The following CNTN5 variants were observed in gnomAD, a reference collection of about 807,000 sequenced individuals.
CNTN5 encodes the protein contactin 5.
Under a neutral mutation model 129.1 loss-of-function variants are expected in CNTN5, and 77 were observed. The observed-to-expected ratio is 0.60, with a 90% CI of 0.50 to 0.72. The LOEUF (loss-of-function observed/expected upper bound fraction) is 0.72. Ranked by LOEUF, CNTN5 falls within the 30% of genes least tolerant of loss-of-function variation. The probability of loss-of-function intolerance (pLI) is 0.00; values close to 1 mark genes in which losing one functional copy is unlikely to be tolerated. For missense variants in CNTN5, 1,478 were observed against 1,328.8 expected (o/e 1.11, Z -1.75); for synonymous variants, 509 against 465.6 (o/e 1.09, Z -1.20).
intron 1 of CNTN5, among the ~76,000 whole-genome samples, chr11:99,281,384 A>G (rs1175629548): frequency 6.6e-6 from 1 of 151,988 alleles, no homozygotes; most frequent in Non-Finnish European, 1.5e-5. Context: ...AAGGGCTCAA[A>G]ATGTAAAAAG....
At chr11:99,998,254 C>A (rs1264485069) in intron 8 of CNTN5, among the ~76,000 whole-genome samples, 1 of 152,004 alleles carries the variant, frequency 6.6e-6, no homozygotes, top group Non-Finnish European at 1.5e-5. Context: ...ATCCAGAAAA[C>A]CCCATCATCT....
chr11:99,826,118 G>C (rs1946948425), intron 4 of CNTN5, among the ~76,000 whole-genome samples: 1 of 151,916 alleles, frequency 6.6e-6, no homozygotes, highest in Non-Finnish European at 1.5e-5. Context: ...TATTTTATCT[G>C]GGATAAGTTC....
At position 100,093,734 on chromosome 11, in the gene CNTN5, G is replaced by C. The variant is rs150810053; in HGVS notation, c.1580+19440G>C. ...TGACTGCTCAACAGCTTTTGCCAAAGTGGCCCAGTCACAAGAATTACACGT... is the reference window on the plus strand; with the variant it reads ...TGACTGCTCAACAGCTTTTGCCAAACTGGCCCAGTCACAAGAATTACACGT... On this transcript the variant is annotated intron_variant, in intron 13 of 24. Transcript: ENST00000524871. Among the ~76,000 whole-genome samples the C allele has an allele frequency of 2.1e-3, 319 of 152,200 alleles. 3 individuals carry two copies. The highest frequency in any genetic ancestry group is 6.9e-3 in the African/African-American group (287 of 41,546).
rs1316285857 is a variant in CNTN5, at chr11:99,797,144, A to G, written c.56-22400A>G. The stretch of plus-strand genomic sequence containing the variant: ...ACACTGTATCACATTTCTTAATGCA[A>G]TCCACCATCGATGTGCAGTTAAGTT... On this transcript the variant is annotated intron_variant, in intron 3 of 24. Transcript: ENST00000524871. Among the ~76,000 whole-genome samples the G allele has an allele frequency of 5.9e-5, 9 of 151,990 alleles. 1 individual carries two copies. Among genetic ancestry groups the G allele is most frequent in the Admixed American group, 2.0e-4 (3 of 15,248 alleles).
At chr11:99,816,856 A>C (rs561450815) in intron 3 of CNTN5, among the ~76,000 whole-genome samples, 2 of 152,284 alleles carry the variant, frequency 1.3e-5, no homozygotes, top group African/African-American at 2.4e-5. Flanking sequence ...TCCACCAAGC[A>C]GGCCATGGTG....
intron 1 of CNTN5, among the ~76,000 whole-genome samples, chr11:99,031,935 G>C (rs1227973548): frequency 9.6e-6 from 1 of 104,450 alleles, no homozygotes; most frequent in Non-Finnish European, 1.7e-5. Context: ...CCCCACAACA[G>C]TCCCCAGAGT....
chr11:99,073,929 T>C (rs1308816852), intron 1 of CNTN5, among the ~76,000 whole-genome samples: 1 of 152,202 alleles, frequency 6.6e-6, no homozygotes, highest in Non-Finnish European at 1.5e-5. Context: ...TTTCTGGTTC[T>C]AGATCCTTGA....
intron 2 of CNTN5, among the ~76,000 whole-genome samples, chr11:99,359,624 T>A (rs1169169719): frequency 1.4e-5 from 2 of 140,340 alleles, no homozygotes; most frequent in African/African-American, 6.2e-5. Flanking sequence ...AATATATTTA[T>A]TTATATAAAT....
At chr11:99,323,414 A>T (rs935978931) in intron 1 of CNTN5, among the ~76,000 whole-genome samples, 1 of 152,180 alleles carries the variant, frequency 6.6e-6, no homozygotes, top group African/African-American at 2.4e-5. Flanking sequence ...GAAAATGACA[A>T]CCATCACCAC....
intron 13 of CNTN5, among the ~76,000 whole-genome samples, chr11:100,120,438 A>G (rs1474631668): frequency 1.3e-5 from 2 of 151,922 alleles, no homozygotes; most frequent in Admixed American, 1.3e-4. Context: ...ATCAACCCAA[A>G]AAAGTTCAAG....
At chr11:99,627,433 G>T (rs569302792) in intron 3 of CNTN5, among the ~76,000 whole-genome samples, 36 of 146,810 alleles carry the variant, frequency 2.5e-4, no homozygotes, top group African/African-American at 8.9e-4. Context: ...TTAATGTTAC[G>T]AAATGGAAAA....
At chr11:100,060,216 A>G (rs1490072372) in intron 9 of CNTN5, among the ~76,000 whole-genome samples, 1 of 85,082 alleles carries the variant, frequency 1.2e-5, no homozygotes, top group Non-Finnish European at 2.8e-5. Context: ...AAAAAATATT[A>G]AAAAAAAAAA....
At chr11:99,660,505 A>C (rs1474655034) in intron 3 of CNTN5, among the ~76,000 whole-genome samples, 2 of 152,152 alleles carry the variant, frequency 1.3e-5, no homozygotes, top group Non-Finnish European at 2.9e-5. Flanking sequence ...CACCTCAATA[A>C]ACCTGTTATA....
At position 99,560,272 on chromosome 11, in the gene CNTN5, T is replaced by C. The variant is rs12361109; in HGVS notation, c.55+4003T>C. ...AATATGACAAAGAATCTAACTGTAT[T>C]ATTATTATTATTATTATTATTATTA... is the stretch of plus-strand genomic sequence containing the variant. On this transcript the variant is annotated intron_variant, in intron 3 of 24. Coordinates refer to ENST00000524871, the MANE Select transcript of CNTN5 (RefSeq NM_014361.4). Among the ~76,000 whole-genome samples the C allele has an allele frequency of 4.4e-3, 203 of 45,654 alleles. No individual in the cohort carries two copies. The Middle Eastern group carries it at 0.053, about 12-fold the overall frequency. 30.0% of individuals were successfully genotyped at this position (45,654 alleles called of 152,430 possible).
chr11:99,704,157 A>G (rs893957864), intron 3 of CNTN5, among the ~76,000 whole-genome samples: 1 of 150,826 alleles, frequency 6.6e-6, no homozygotes, highest in Non-Finnish European at 1.5e-5. Context: ...GACCCCATTC[A>G]TAACTCTGAG....
intron 3 of CNTN5, among the ~76,000 whole-genome samples, chr11:99,816,368 C>T (rs1946586575): frequency 6.6e-6 from 1 of 152,122 alleles, no homozygotes; most frequent in Admixed American, 6.5e-5. Context: ...CTCTGACGAA[C>T]CTGCGTCTTC....
At chr11:100,120,763 A>G (rs759397291) in intron 13 of CNTN5, among the ~76,000 whole-genome samples, 5 of 151,990 alleles carry the variant, frequency 3.3e-5, no homozygotes, top group African/African-American at 7.2e-5. Context: ...ATATTAATCA[A>G]GATAGTAAGG....
At chr11:99,962,787 G>A (rs1950985297) in intron 8 of CNTN5, among the ~76,000 whole-genome samples, 1 of 151,786 alleles carries the variant, frequency 6.6e-6, no homozygotes, top group East Asian at 1.9e-4. Context: ...GTGTAAAAGT[G>A]TTCCTATTTC....
At chr11:100,036,228 C>A (rs1323955189) in intron 9 of CNTN5, among the ~76,000 whole-genome samples, 1 of 152,092 alleles carries the variant, frequency 6.6e-6, no homozygotes, top group Non-Finnish European at 1.5e-5. Context: ...ATAGGGAATC[C>A]TTTCCCCATT....
Sources: allele counts gnomAD v4.1 joint callset (sites outside exome capture counted in the v4.1 genomes callset), GRCh38; gene constraint gnomAD v4.1.1; transcripts MANE v1.5; gene names NCBI Gene and HGNC (gene_info 2026-07-23, HGNC 2026-07-21).